Variants in LDLRAD4 observed in about 807,000 individuals in gnomAD.
The protein encoded by LDLRAD4 is low-density lipoprotein receptor class A domain-containing protein 4.
LDLRAD4 carries 5 observed loss-of-function variants against 17.0 expected under a neutral mutation model. The observed-to-expected ratio is 0.29, with a 90% CI of 0.15 to 0.62. The LOEUF is 0.62. LDLRAD4 is among the 20% of genes least tolerant of loss of function. The probability of loss-of-function intolerance (pLI) is 0.84; values close to 1 mark genes in which losing one functional copy is unlikely to be tolerated. For missense variants in LDLRAD4, 340 were observed against 424.7 expected (o/e 0.80, Z 1.75); for synonymous variants, 168 against 171.8 (o/e 0.98, Z 0.17).
At chr18:13,265,031 C>A (rs1391000490) in intron 1 of LDLRAD4, among the ~76,000 whole-genome samples, 1 of 152,162 alleles carries the variant, frequency 6.6e-6, no homozygotes, top group African/African-American at 2.4e-5. Flanking sequence ...GCTGTTCTGA[C>A]CCCCTCCTGG....
chr18:13,617,928 A>G (rs1160485582), intron 3 of LDLRAD4, among the ~76,000 whole-genome samples: 2 of 152,232 alleles, frequency 1.3e-5, no homozygotes, highest in Non-Finnish European at 2.9e-5. Flanking sequence ...CTCAGTAGCC[A>G]TGAGGATGAA....
intron 1 of LDLRAD4, among the ~76,000 whole-genome samples, chr18:13,250,100 CTCT>C (rs1161120956): frequency 6.6e-6 from 1 of 152,144 alleles, no homozygotes; most frequent in African/African-American, 2.4e-5. Flanking sequence ...TGTTCTTGGC[CTCT>C]TTGTCAGAAA....
intron 3 of LDLRAD4, among the ~76,000 whole-genome samples, chr18:13,524,573 C>T (rs532657713): frequency 3.9e-5 from 6 of 152,286 alleles, no homozygotes; most frequent in African/African-American, 1.2e-4. Flanking sequence ...GCCTCAGTAA[C>T]GCCGTGTAAC....
chr18:13,415,891 GTC>G (rs1433629073), intron 2 of LDLRAD4, among the ~76,000 whole-genome samples: 1 of 152,262 alleles, frequency 6.6e-6, no homozygotes, highest in Non-Finnish European at 1.5e-5. Flanking sequence ...TTGAAGCTGT[GTC>G]TCAGTCCCAG....
exon 6 of LDLRAD4, chr18:13,648,044 G>T (rs1156750202): frequency 2.0e-5 from 3 of 152,270 alleles, no homozygotes; most frequent in Non-Finnish European, 4.4e-5. Context: ...TTCTTGGTCA[G>T]GTGTGCCCAC....
intron 3 of LDLRAD4, among the ~76,000 whole-genome samples, chr18:13,481,614 C>G (rs1244690221): frequency 2.0e-5 from 3 of 152,152 alleles, no homozygotes; most frequent in Admixed American, 6.5e-5. Context: ...CCGCACGCAC[C>G]TCTTCTGGGG....
At chr18:13,514,386 C>T (rs1010398381) in intron 3 of LDLRAD4, 2 of 152,152 alleles carry the variant, frequency 1.3e-5, no homozygotes, top group African/African-American at 4.8e-5. Flanking sequence ...AAATATACAA[C>T]AGATATCGAT....
intron 3 of LDLRAD4, chr18:13,470,741 A>C (rs1163628489): frequency 6.6e-6 from 1 of 151,522 alleles, no homozygotes; most frequent in Non-Finnish European, 1.5e-5. Context: ...TGCTGGGGTC[A>C]GTTCTGCTTC....
At position 13,641,999 on chromosome 18, in the gene LDLRAD4, G is replaced by A. The variant is rs560183376; in HGVS notation, c.337-1360G>A. ...GGCCCTGGGCGGTGGGAGGGCCTCC[G>A]CCCCCTTCCCGCTTCCGCCCCGCTG... On this transcript the variant is annotated intron_variant, in intron 4 of 5. Coordinates refer to ENST00000359446, the Ensembl canonical transcript of LDLRAD4. The A allele has an allele frequency of 1.2e-4, 114 of 985,130 alleles. 1 individual carries two copies. In the African/African-American group the frequency reaches 1.9e-3, roughly 16 times the overall value. 61.0% of individuals were successfully genotyped at this position (985,130 alleles called of 1,614,324 possible).
intron 1 of LDLRAD4, among the ~76,000 whole-genome samples, chr18:13,233,643 G>T (rs1461005272): frequency 6.6e-6 from 1 of 152,116 alleles, no homozygotes; most frequent in Non-Finnish European, 1.5e-5. Context: ...GAGGAACGGG[G>T]TCTCTCCCTT....
intron 3 of LDLRAD4, among the ~76,000 whole-genome samples, chr18:13,466,659 C>T (rs1450481448): frequency 6.6e-6 from 1 of 152,130 alleles, no homozygotes; most frequent in Non-Finnish European, 1.5e-5. Flanking sequence ...AAAGGCATGT[C>T]CTCGTCCAGC....
chr18:13,541,169 T>C (rs895563260), intron 3 of LDLRAD4, among the ~76,000 whole-genome samples: 3 of 152,182 alleles, frequency 2.0e-5, no homozygotes, highest in Admixed American at 6.5e-5. Flanking sequence ...TGGAAGACAT[T>C]GGAGGAAAAC....
At chr18:13,442,738 C>T (rs1244737927) in intron 3 of LDLRAD4, among the ~76,000 whole-genome samples, 1 of 152,184 alleles carries the variant, frequency 6.6e-6, no homozygotes, top group East Asian at 1.9e-4. Context: ...TAGTGGGGGA[C>T]AGCAGCGTTC....
intron 1 of LDLRAD4, among the ~76,000 whole-genome samples, chr18:13,352,405 A>T (rs2083096895): frequency 1.3e-5 from 2 of 149,422 alleles, no homozygotes; most frequent in Non-Finnish European, 3.0e-5. Flanking sequence ...TTTCCCTTTC[A>T]GCAGTTTAAA....
chr18:13,530,166 T>C (rs1319884180), intron 3 of LDLRAD4, among the ~76,000 whole-genome samples: 1 of 152,194 alleles, frequency 6.6e-6, no homozygotes, highest in Non-Finnish European at 1.5e-5. Context: ...CCTTGATGGA[T>C]GATTTGTGGA....
At chr18:13,400,099 T>C (rs1187266208) in intron 2 of LDLRAD4, among the ~76,000 whole-genome samples, 2 of 152,198 alleles carry the variant, frequency 1.3e-5, no homozygotes, top group African/African-American at 4.8e-5. Flanking sequence ...TTGACTTTCA[T>C]TGAATTTTAC....
intron 3 of LDLRAD4, among the ~76,000 whole-genome samples, chr18:13,465,272 C>T (rs1452461684): frequency 6.6e-6 from 1 of 152,184 alleles, no homozygotes; most frequent in Admixed American, 6.5e-5. Flanking sequence ...AACAGCACGC[C>T]CTCTCTTTAT....
rs192738140 is a variant in LDLRAD4, at chr18:13,253,188, C to T, written c.-466-24917C>T. Among the ~76,000 whole-genome samples the T allele has an allele frequency of 4.2e-3, 633 of 151,984 alleles. 5 individuals are homozygous for T. Among genetic ancestry groups the T allele is most frequent in the Non-Finnish European group, 4.1e-3 (278 of 67,974 alleles). Reference sequence around the variant, plus strand: ...TCAGCCTGGGTGTGCTGTCAGGACCCGAGAAGGTGACAGGAGAAGGTGGGA... The same window carrying T: ...TCAGCCTGGGTGTGCTGTCAGGACCTGAGAAGGTGACAGGAGAAGGTGGGA... On this transcript the variant is annotated intron_variant, in intron 1 of 5. Transcript: ENST00000399848.
At chr18:13,576,443 A>G (rs2094774621) in intron 3 of LDLRAD4, among the ~76,000 whole-genome samples, 1 of 148,576 alleles carries the variant, frequency 6.7e-6, no homozygotes, top group African/African-American at 2.4e-5. Context: ...AAAAAAAAGA[A>G]AGAAAGAAAG....
Sources: allele counts gnomAD v4.1 joint callset (sites outside exome capture counted in the v4.1 genomes callset), GRCh38; gene constraint gnomAD v4.1.1; transcripts MANE v1.5; gene names NCBI Gene and HGNC (gene_info 2026-07-23, HGNC 2026-07-21).